The following NEMP2 variants were observed in gnomAD, a reference collection of about 807,000 sequenced individuals.
NEMP2 encodes nuclear envelope integral membrane protein 2, also known as UPF0571 transmembrane protein.
NEMP2 carries 53 observed loss-of-function variants against 54.2 expected under a neutral mutation model. The ratio of observed to expected loss-of-function variants is 0.98; its 90% CI spans 0.78 to 1.23. The LOEUF (loss-of-function observed/expected upper bound fraction) is 1.23, where lower values mean the gene tolerates loss of function less well. Ranked by LOEUF, NEMP2 falls within the 50% of genes most tolerant of loss-of-function variation. The probability of loss-of-function intolerance (pLI) is 0.00; values close to 1 mark genes in which losing one functional copy is unlikely to be tolerated. For missense variants in NEMP2, 455 were observed against 511.3 expected, an observed-to-expected ratio of 0.89 and a Z score of 1.06; for synonymous variants, 197 against 190.3, an observed-to-expected ratio of 1.04 and a Z score of -0.29.
At chr2:190,545,544 C>A in the NEMP2 span, among the ~76,000 whole-genome samples, 2 of 152,184 alleles carry the variant, frequency 1.3e-5, no homozygotes, top group South Asian at 2.1e-4. Context: ...GATTCAGGAA[C>A]CTTTCAATTC....
the NEMP2 span, among the ~76,000 whole-genome samples, chr2:190,440,346 AC>A: frequency 2.0e-5 from 3 of 152,184 alleles, no homozygotes; most frequent in South Asian, 2.1e-4. Context: ...TCTGATTTTG[AC>A]CTTGGATTTT....
At chr2:190,540,127 A>C in the NEMP2 span, among the ~76,000 whole-genome samples, 1 of 152,174 alleles carries the variant, frequency 6.6e-6, no homozygotes. Context: ...TTTTTCATAA[A>C]GGGATGAATA....
the NEMP2 span, among the ~76,000 whole-genome samples, chr2:190,540,490 A>G: frequency 2.0e-5 from 3 of 152,140 alleles, no homozygotes; most frequent in African/African-American, 4.8e-5. Flanking sequence ...GGGTCTCACT[A>G]TGTTACACAG....
At chr2:190,470,703 G>A in the NEMP2 span, among the ~76,000 whole-genome samples, 509 of 152,170 alleles carry the variant, frequency 3.3e-3, 7 homozygotes, top group African/African-American at 0.011. Context: ...AGACAAATGC[G>A]GTGTAATCAA....
chr2:190,457,420 C>G, the NEMP2 span, among the ~76,000 whole-genome samples: 1 of 152,196 alleles, frequency 6.6e-6, no homozygotes, highest in Non-Finnish European at 1.5e-5. The surrounding 1 kb of genome is among the most constrained non-coding windows in gnomAD (Gnocchi z 5.1). Context: ...CCCCCTACCC[C>G]CAGGACTCAG....
chr2:190,502,436 A>G (rs964901646), downstream of NEMP2: 4 of 152,258 alleles, frequency 2.6e-5, no homozygotes, highest in Non-Finnish European at 4.4e-5. This position sits in a 1 kb window ranked among gnomAD's most constrained non-coding sequence, Gnocchi z 4.4. Context: ...CTATGGTTGT[A>G]GAAACAGTAA....
At chr2:190,562,154 C>T in the NEMP2 span, among the ~76,000 whole-genome samples, 1 of 152,114 alleles carries the variant, frequency 6.6e-6, no homozygotes, top group Non-Finnish European at 1.5e-5. The surrounding 1 kb of genome is among the most constrained non-coding windows in gnomAD (Gnocchi z 5.0). Flanking sequence ...TTTGGGTAGT[C>T]GACCAAGAAG....
chr2:190,534,608 G>C lies in NEMP2; in HGVS notation c.48C>G (p.Pro16=), dbSNP rs1254737632. The stretch of plus-strand genomic sequence containing the variant: ...CCCCGCGCACGGGCAGTGTGGCCAG[G>C]GGCGGCAGCCAGAGCAGCAGCCACC... ...GRWWLLLWLP[P]LATLPVRGEA... is the part of the protein sequence containing the mutation. Residue 16 remains proline, a synonymous_variant, in exon 1 of 9, where the codon CCC becomes CCG. Transcript: ENST00000409150. 7.2e-7 allele frequency: 1 copy of C among 1,390,476 alleles called. No homozygotes were observed. Among genetic ancestry groups the C allele is most frequent in the South Asian group, 1.6e-5 (1 of 63,482 alleles). 86.1% of individuals were successfully genotyped at this position (1,390,476 alleles called of 1,614,324 possible).
At chr2:190,580,908 G>T in the NEMP2 span, among the ~76,000 whole-genome samples, 8 of 152,188 alleles carry the variant, frequency 5.3e-5, no homozygotes, top group African/African-American at 1.4e-4. The surrounding 1 kb of genome is among the most constrained non-coding windows in gnomAD (Gnocchi z 5.3). Flanking sequence ...ACATGGAGTA[G>T]CTAAGGTTGT....
the NEMP2 span, chr2:190,628,419 G>A: frequency 2.0e-5 from 3 of 152,292 alleles, no homozygotes; most frequent in South Asian, 6.2e-4. This position sits in a 1 kb window ranked among gnomAD's most constrained non-coding sequence, Gnocchi z 4.1. Flanking sequence ...TGAGGAGGTA[G>A]AACTCAACAG....
the NEMP2 span, among the ~76,000 whole-genome samples, chr2:190,460,010 T>C: frequency 2.0e-5 from 3 of 152,248 alleles, no homozygotes; most frequent in South Asian, 4.1e-4. Context: ...CAGGATCTCC[T>C]TGGTGGTCCC....
the NEMP2 span, among the ~76,000 whole-genome samples, chr2:190,448,915 G>A: frequency 7.9e-5 from 12 of 152,022 alleles, no homozygotes; most frequent in South Asian, 4.1e-4. Context: ...CAATATAACC[G>A]TCCTCCTGTA....
At chr2:190,547,878 TA>T in the NEMP2 span, among the ~76,000 whole-genome samples, 13 of 151,930 alleles carry the variant, frequency 8.6e-5, no homozygotes, top group Non-Finnish European at 1.6e-4. This position sits in a 1 kb window ranked among gnomAD's most constrained non-coding sequence, Gnocchi z 6.2. Context: ...AAAAATTCGA[TA>T]AAGGAGGATG....
chr2:190,534,510 C>G (rs766896396), intron 1 of NEMP2, 49 bp downstream of exon 1: 1 of 1,355,214 alleles, frequency 7.4e-7, no homozygotes, highest in South Asian at 1.8e-5. Flanking sequence ...GCCGCGAAGC[C>G]GGGGAGCGAG....
chr2:190,535,352 A>G (rs1322378228), upstream of NEMP2, among the ~76,000 whole-genome samples: 1 of 152,230 alleles, frequency 6.6e-6, no homozygotes, highest in Non-Finnish European at 1.5e-5. Context: ...TTCCTTCACC[A>G]ACATGACAAG....
chr2:190,601,683 T>C, the NEMP2 span, among the ~76,000 whole-genome samples: 92 of 152,334 alleles, frequency 6.0e-4, no homozygotes, highest in Non-Finnish European at 1.1e-3. This position sits in a 1 kb window ranked among gnomAD's most constrained non-coding sequence, Gnocchi z 5.8. Context: ...GTGGTCACTG[T>C]TGGGCTTCTT....
chr2:190,515,081 CCCTCTGAATCCAA>C (rs1690505867), intron 6 of NEMP2, among the ~76,000 whole-genome samples: 1 of 152,086 alleles, frequency 6.6e-6, no homozygotes, highest in Non-Finnish European at 1.5e-5. Flanking sequence ...GAGGGAGTCA[CCCTCTGAATCCAA>C]TGTTCAGTCT....
chr2:190,509,250 T>C lies in NEMP2; in HGVS notation c.1193A>G (p.Glu398Gly). Residue 398 changes from glutamate (E) to glycine (G), a missense_variant, in exon 9 of 9, where the codon GAG (glutamate) becomes GGG (glycine). Physicochemically the swap from Glu to Gly is moderately conservative, Grantham distance 98. Transcript: ENST00000409150. This position sits in a 1 kb window ranked among gnomAD's most constrained non-coding sequence, Gnocchi z 6.1. Reference protein sequence around the residue: ...LSPEEISLHEEQYGLGGAFLE... With the variant: ...LSPEEISLHEGQYGLGGAFLE... ...GAAGGCACCCCCAAGGCCATACTGC[T>C]CTTCATGCAGACTGATTTCTTCAGG... 6.4e-7 allele frequency: 1 copy of C among 1,551,746 alleles called. No individual in the cohort carries two copies. Among genetic ancestry groups the C allele is most frequent in the African/African-American group, 1.4e-5 (1 of 73,172 alleles).
At chr2:190,641,089 G>A in the NEMP2 span, 1 of 150,890 alleles carries the variant, frequency 6.6e-6, no homozygotes, top group African/African-American at 2.4e-5. Flanking sequence ...TTTATGTGAG[G>A]ATGATCTCTT....
Sources: gnomAD v4.1 joint callset for allele counts (sites outside exome capture counted in the v4.1 genomes callset) on GRCh38, gnomAD v4.1.1 for gene constraint, Gnocchi (gnomAD v3.1) non-coding constraint, MANE v1.5 for transcripts, NCBI Gene and HGNC (gene_info 2026-07-23, HGNC 2026-07-21) for gene names.